SH3PXD2A: variants seen among roughly 807,000 people sequenced by gnomAD.
SH3PXD2A encodes the protein SH3 and PX domains 2A, also known as SH3 and PX domain-containing protein 2A.
SH3PXD2A carries 32 observed loss-of-function variants against 115.2 expected under a neutral mutation model. That is an observed-to-expected ratio of 0.28 (90% CI 0.21 to 0.37). The LOEUF (loss-of-function observed/expected upper bound fraction) is 0.37, where lower values mean the gene tolerates loss of function less well. Ranked by LOEUF, SH3PXD2A falls within the 10% of genes least tolerant of loss-of-function variation. The probability of loss-of-function intolerance (pLI) is 1.00; values close to 1 mark genes in which losing one functional copy is unlikely to be tolerated. For synonymous variants in SH3PXD2A, 610 were observed against 629.1 expected (o/e 0.97, Z 0.45); for missense variants, 1,328 against 1,498.7 (o/e 0.89, Z 1.88).
At chr10:103,783,609 C>T (rs922144859) in intron 2 of SH3PXD2A, among the ~76,000 whole-genome samples, 10 of 152,176 alleles carry the variant, frequency 6.6e-5, no homozygotes, top group Non-Finnish European at 1.3e-4. Flanking sequence ...AGGTGTGCCC[C>T]GTACAGGTCT....
intron 11 of SH3PXD2A, 53 bp downstream of exon 11, chr10:103,617,144 C>T: frequency 7.6e-7 from 1 of 1,320,910 alleles, no homozygotes; most frequent in Non-Finnish European, 1.1e-6. Flanking sequence ...TGCACTCTGC[C>T]CAGGGCCCAG....
intron 1 of SH3PXD2A, among the ~76,000 whole-genome samples, chr10:103,847,872 G>C (rs778772169): frequency 9.2e-5 from 14 of 152,084 alleles, no homozygotes; most frequent in Non-Finnish European, 1.9e-4. Flanking sequence ...CCGGGAGGCG[G>C]AGGCTGCAGT....
chr10:103,693,148 C>A, intron 5 of SH3PXD2A, 92 bp from the exon 6 acceptor site: 1 of 1,021,552 alleles, frequency 9.8e-7, no homozygotes, highest in South Asian at 1.3e-5. Flanking sequence ...TGGCTGCGGT[C>A]GGTCCCCGGT....
At chr10:103,694,799 AC>A (rs1480365031) in intron 5 of SH3PXD2A, among the ~76,000 whole-genome samples, 2 of 152,138 alleles carry the variant, frequency 1.3e-5, no homozygotes, top group African/African-American at 4.8e-5. Context: ...AATCTGGGAA[AC>A]CGTTGCCTTG....
chr10:103,725,150 A>G (rs1589430540), intron 4 of SH3PXD2A, among the ~76,000 whole-genome samples: 1 of 152,218 alleles, frequency 6.6e-6, no homozygotes, highest in Non-Finnish European at 1.5e-5. Context: ...TGAAGGATGG[A>G]TAACAATTAA....
chr10:103,735,706 T>G, intron 4 of SH3PXD2A, 26 bp downstream of exon 4: 15 of 645,378 alleles, frequency 2.3e-5, no homozygotes, highest in East Asian at 4.8e-5. Flanking sequence ...CCCGAGCCCC[T>G]CCCCCAGCCC....
intron 6 of SH3PXD2A, among the ~76,000 whole-genome samples, chr10:103,677,519 G>C (rs1278822311): frequency 6.6e-6 from 1 of 152,284 alleles, no homozygotes. Context: ...GGGGTCAGGG[G>C]TAGGAGGAGA....
At chr10:103,753,742 C>T (rs1483073752) in intron 3 of SH3PXD2A, 1 of 152,166 alleles carries the variant, frequency 6.6e-6, no homozygotes, top group Admixed American at 6.5e-5. Flanking sequence ...AGCTATAATC[C>T]TTAAGCAGAC....
At chr10:103,692,884 C>A (rs2037774670) in intron 6 of SH3PXD2A, 144 bp downstream of exon 6, 3 of 674,884 alleles carry the variant, frequency 4.4e-6, no homozygotes, top group Non-Finnish European at 7.8e-6. Context: ...GAAGCGAGTA[C>A]CCCTGGCCCG....
In SH3PXD2A at chr10:103,654,979, C is replaced by A. The variant is rs1029645186; in HGVS notation, c.604+6004G>T. On this transcript the variant is annotated intron_variant, in intron 8 of 14. Coordinates refer to ENST00000369774, the MANE Select transcript of SH3PXD2A (RefSeq NM_001394015.1). Reference sequence around the variant, plus strand: ...CTGAGTGGAAGGGCCCAAGACTGGGCTAGCATGCCTGCCTCTGCTCCTGGC... The same window carrying A: ...CTGAGTGGAAGGGCCCAAGACTGGGATAGCATGCCTGCCTCTGCTCCTGGC... Among the ~76,000 whole-genome samples the A allele has an allele frequency of 9.0e-5, 11 of 122,304 alleles. No homozygotes were observed. In the South Asian group the frequency reaches 3.1e-3, roughly 34 times the overall value. 80.2% of individuals were successfully genotyped at this position (122,304 alleles called of 152,430 possible).
At chr10:103,804,909 T>C (rs1274054490) in intron 1 of SH3PXD2A, among the ~76,000 whole-genome samples, 1 of 152,068 alleles carries the variant, frequency 6.6e-6, no homozygotes, top group Non-Finnish European at 1.5e-5. Context: ...CCCTCCCACC[T>C]GCATCTCTGC....
Position 103,794,042 on chromosome 10 carries a change from G to A in SH3PXD2A, c.153+7240C>T, listed in dbSNP as rs114646663. 2.3e-3 allele frequency among the ~76,000 whole-genome samples: 345 copies of A among 152,272 alleles called. 3 individuals carry two copies. The highest frequency in any genetic ancestry group is 7.9e-3 in the African/African-American group (328 of 41,556). ...AAATGCAATGATCCCATAAAGCTCC[G>A]TAAGTGACATCAGTACACACCCACA... On this transcript the variant is annotated intron_variant, in intron 2 of 14. Coordinates refer to ENST00000369774, the MANE Select transcript of SH3PXD2A (RefSeq NM_001394015.1).
At chr10:103,813,144 C>T (rs1364769346) in intron 1 of SH3PXD2A, among the ~76,000 whole-genome samples, 2 of 151,538 alleles carry the variant, frequency 1.3e-5, no homozygotes, top group African/African-American at 4.9e-5. Flanking sequence ...CTATGTATAC[C>T]ATATGATTAA....
Position 103,807,021 on chromosome 10 carries a change from A to G in SH3PXD2A, c.73-5659T>C, listed in dbSNP as rs114120302. On this transcript the variant is annotated intron_variant, in intron 1 of 14. Coordinates refer to ENST00000369774, the MANE Select transcript of SH3PXD2A (RefSeq NM_001394015.1). ...GTCTGCTCAGCTCACAAGGCCCACC[A>G]ATGTCTGAGGTTTCCAAAATCGCCT... Among the ~76,000 whole-genome samples, 935 of 152,284 alleles carry G rather than the reference A, an allele frequency of 6.1e-3. 10 individuals are homozygous for G. Among genetic ancestry groups the G allele is most frequent in the African/African-American group, 0.021 (893 of 41,548 alleles).
intron 5 of SH3PXD2A, among the ~76,000 whole-genome samples, chr10:103,696,606 T>G (rs2037827777): frequency 6.6e-6 from 1 of 152,082 alleles, no homozygotes; most frequent in Non-Finnish European, 1.5e-5. Context: ...TCCTGGTAGG[T>G]CACAGTCTAG....
intron 5 of SH3PXD2A, among the ~76,000 whole-genome samples, chr10:103,696,643 T>C (rs1347605300): frequency 1.3e-5 from 2 of 152,144 alleles, no homozygotes; most frequent in East Asian, 3.9e-4. Flanking sequence ...TGCTGAATCA[T>C]ATCGGCCAGG....
intron 5 of SH3PXD2A, among the ~76,000 whole-genome samples, chr10:103,717,296 C>T (rs546113210): frequency 1.3e-5 from 2 of 152,302 alleles, no homozygotes; most frequent in South Asian, 4.2e-4. Context: ...TACTAGGTGC[C>T]AGGTCCTGGG....
At chr10:103,670,337 G>A (rs1278855095) in intron 6 of SH3PXD2A, among the ~76,000 whole-genome samples, 2 of 152,202 alleles carry the variant, frequency 1.3e-5, no homozygotes, top group African/African-American at 4.8e-5. Flanking sequence ...TCTGGATGAT[G>A]TGATATACTT....
intron 3 of SH3PXD2A, among the ~76,000 whole-genome samples, chr10:103,760,179 T>A (rs1321594120): frequency 1.3e-5 from 2 of 152,152 alleles, no homozygotes; most frequent in East Asian, 3.8e-4. Flanking sequence ...TCCCCTCCTA[T>A]AAAGTAACTC....
Sources: allele counts gnomAD v4.1 joint callset (sites outside exome capture counted in the v4.1 genomes callset), GRCh38; gene constraint gnomAD v4.1.1; transcripts MANE v1.5; gene names NCBI Gene and HGNC (gene_info 2026-07-23, HGNC 2026-07-21).